Variants in GABRA2 observed in about 807,000 individuals in gnomAD.
GABRA2 encodes the protein gamma-aminobutyric acid type A receptor subunit alpha2.
GABRA2 carries 16 observed loss-of-function variants against 48.7 expected under a neutral mutation model. The ratio of observed to expected loss-of-function variants is 0.33; its 90% CI spans 0.22 to 0.50. The LOEUF (loss-of-function observed/expected upper bound fraction) is 0.50, where lower values mean the gene tolerates loss of function less well. GABRA2 is among the 20% of genes least tolerant of loss of function. The pLI is 0.98. For synonymous variants in GABRA2, 185 were observed against 184.5 expected (o/e 1.00, Z -0.02); for missense variants, 275 against 535.6 (o/e 0.51, Z 4.80).
chr4:46,268,679 A>G (rs771078535), intron 8 of GABRA2, among the ~76,000 whole-genome samples: 3 of 151,914 alleles, frequency 2.0e-5, no homozygotes, highest in Admixed American at 6.6e-5. Flanking sequence ...CAGCAATCCC[A>G]CTTCTGGGAA....
chr4:46,286,417 C>T (rs746914397), intron 8 of GABRA2, among the ~76,000 whole-genome samples: 26 of 152,050 alleles, frequency 1.7e-4, no homozygotes, highest in Admixed American at 7.2e-4. Flanking sequence ...CATCCATGTA[C>T]ATGTTTCTGT....
chr4:46,374,704 A>G (rs1715421041), intron 3 of GABRA2, among the ~76,000 whole-genome samples: 1 of 152,122 alleles, frequency 6.6e-6, no homozygotes, highest in Non-Finnish European at 1.5e-5. Flanking sequence ...TTATTTTAGT[A>G]TATTTTTTGA....
chr4:46,316,762 T>A lies in GABRA2; in HGVS notation c.256-4046A>T, dbSNP rs569832856. 5.9e-4 allele frequency among the ~76,000 whole-genome samples: 90 copies of A among 152,050 alleles called. 1 individual carries two copies. In the South Asian group the frequency reaches 0.018, roughly 31 times the overall value. ...GTTCATGTTTATTAAAAATTCTAGT[T>A]TTCTCCTCTATAAATTATCTGTTCA... On this transcript the variant is annotated intron_variant, in intron 4 of 9. Transcript: ENST00000381620.
chr4:46,290,331 G>C (rs1355584258), intron 8 of GABRA2, among the ~76,000 whole-genome samples: 3 of 151,186 alleles, frequency 2.0e-5, no homozygotes, highest in Admixed American at 2.0e-4. Flanking sequence ...TTTTCTACAC[G>C]TATTAAACTG....
At chr4:46,325,538 T>C (rs1448056295) in intron 4 of GABRA2, among the ~76,000 whole-genome samples, 1 of 152,098 alleles carries the variant, frequency 6.6e-6, no homozygotes, top group Non-Finnish European at 1.5e-5. Context: ...CTGTTTGCTC[T>C]GTTAATAGTT....
At position 46,246,473 on chromosome 4, in the gene GABRA2, C is replaced by T. The variant is rs941192144; in HGVS notation, c.*3835G>A. On this transcript the variant is annotated 3_prime_UTR_variant, in exon 10 of 10. Coordinates refer to ENST00000381620, the MANE Select transcript of GABRA2 (RefSeq NM_000807.4). ...GCAGATGTCAAAAATAACTGCACCC[C>T]TCCCCAGTTAAAATTTTACACTTCT... Among the ~76,000 whole-genome samples the T allele has an allele frequency of 2.0e-5, 3 of 151,032 alleles. No individual in the cohort carries two copies. Among genetic ancestry groups the T allele is most frequent in the Non-Finnish European group, 4.5e-5 (3 of 67,392 alleles).
At chr4:46,323,164 G>C (rs1190999903) in intron 4 of GABRA2, among the ~76,000 whole-genome samples, 1 of 151,818 alleles carries the variant, frequency 6.6e-6, no homozygotes, top group African/African-American at 2.4e-5. Context: ...AGTATCATTT[G>C]GGCATATCGC....
chr4:46,310,427 T>C (rs1376722085), intron 5 of GABRA2, among the ~76,000 whole-genome samples, 172 bp from the exon 6 acceptor site: 6 of 152,200 alleles, frequency 3.9e-5, no homozygotes, highest in South Asian at 4.1e-4. Flanking sequence ...TCGGAAGACA[T>C]TGGCGTATAC....
intron 3 of GABRA2, among the ~76,000 whole-genome samples, chr4:46,340,935 A>C (rs1437126361): frequency 6.6e-6 from 1 of 150,510 alleles, no homozygotes; most frequent in Non-Finnish European, 1.5e-5. Context: ...TTTTTTTCTT[A>C]TGTTCCTTAG....
chr4:46,355,306 G>T (rs963213010), intron 3 of GABRA2, among the ~76,000 whole-genome samples: 3 of 152,094 alleles, frequency 2.0e-5, no homozygotes, highest in African/African-American at 7.2e-5. Flanking sequence ...GCATTTCAAT[G>T]CACTAAACTA....
chr4:46,309,891 A>C (rs1288065997), intron 6 of GABRA2, among the ~76,000 whole-genome samples: 1 of 152,176 alleles, frequency 6.6e-6, no homozygotes, highest in African/African-American at 2.4e-5. Flanking sequence ...AAAAGAAGGT[A>C]AATTACAGTC....
chr4:46,358,488 A>G (rs1736358810), intron 3 of GABRA2, among the ~76,000 whole-genome samples: 1 of 152,198 alleles, frequency 6.6e-6, no homozygotes, highest in South Asian at 2.1e-4. Context: ...ACATTATTTT[A>G]TCTTCTCTTC....
At chr4:46,270,692 A>G (rs1719150032) in intron 8 of GABRA2, among the ~76,000 whole-genome samples, 1 of 152,044 alleles carries the variant, frequency 6.6e-6, no homozygotes, top group Non-Finnish European at 1.5e-5. Flanking sequence ...TACCTAACTT[A>G]CAGCACTTTT....
chr4:46,265,026 G>A (rs1423039847), intron 8 of GABRA2, among the ~76,000 whole-genome samples: 3 of 78,672 alleles, frequency 3.8e-5, no homozygotes, highest in Non-Finnish European at 4.7e-5. Flanking sequence ...GAGAGATAGA[G>A]AGAGAGAGAG....
intron 3 of GABRA2, among the ~76,000 whole-genome samples, chr4:46,378,205 G>C (rs1716222217): frequency 6.6e-6 from 1 of 152,206 alleles, no homozygotes; most frequent in South Asian, 2.1e-4. Context: ...TGGCGGTTTT[G>C]TGGAATGGAA....
chr4:46,289,879 T>TTTTA (rs1156253698), intron 8 of GABRA2, among the ~76,000 whole-genome samples: 2,074 of 128,330 alleles, frequency 0.016, 35 homozygotes, highest in African/African-American at 0.069. Context: ...TACCAGTTTA[T>TTTTA]TTTATTTATT....
At chr4:46,296,086 A>T (rs1314474864) in intron 8 of GABRA2, among the ~76,000 whole-genome samples, 1 of 152,184 alleles carries the variant, frequency 6.6e-6, no homozygotes, top group African/African-American at 2.4e-5. Flanking sequence ...AAAGCCAACT[A>T]GGTGACAATA....
intron 8 of GABRA2, among the ~76,000 whole-genome samples, chr4:46,300,642 C>G (rs1725574801): frequency 6.6e-6 from 1 of 151,760 alleles, no homozygotes; most frequent in Non-Finnish European, 1.5e-5. Flanking sequence ...ACACATAACT[C>G]AAACTACAAT....
chr4:46,276,246 G>A (rs1278150383), intron 8 of GABRA2, among the ~76,000 whole-genome samples: 1 of 152,026 alleles, frequency 6.6e-6, no homozygotes, highest in Non-Finnish European at 1.5e-5. Flanking sequence ...GTAGTCAAAA[G>A]CAGTAAATTC....
Sources: gnomAD v4.1 joint callset for allele counts (sites outside exome capture counted in the v4.1 genomes callset) on GRCh38, gnomAD v4.1.1 for gene constraint, MANE v1.5 for transcripts, NCBI Gene and HGNC (gene_info 2026-07-23, HGNC 2026-07-21) for gene names.